The following ATP1B3 variants were observed in gnomAD, a reference collection of about 807,000 sequenced individuals.
The protein encoded by ATP1B3 is sodium/potassium-transporting ATPase subunit beta-3.
A neutral mutation model predicts 30.2 loss-of-function variants in ATP1B3; 10 were observed. The ratio of observed to expected loss-of-function variants is 0.33; its 90% CI spans 0.20 to 0.56. ATP1B3 has a LOEUF of 0.56. Among genes scored for constraint, ATP1B3 ranks in the 20% least tolerant of loss-of-function variants. ATP1B3 has a pLI of 0.90. For missense variants in ATP1B3, 238 were observed against 336.7 expected, an observed-to-expected ratio of 0.71 and a Z score of 2.29; for synonymous variants, 113 against 117.0, an observed-to-expected ratio of 0.97 and a Z score of 0.22.
intron 1 of ATP1B3, among the ~76,000 whole-genome samples, chr3:141,884,153 A>G (rs1197205640): frequency 6.6e-6 from 1 of 152,050 alleles, no homozygotes; most frequent in Non-Finnish European, 1.5e-5. Context: ...TATTTCGGAA[A>G]ATTTTTTTTA....
intron 1 of ATP1B3, chr3:141,902,283 A>C (rs1934178607): frequency 2.5e-6 from 3 of 1,191,070 alleles, no homozygotes; most frequent in Non-Finnish European, 3.3e-6. Flanking sequence ...AAATTGCTTT[A>C]ACTATTTCCC....
chr3:141,888,975 C>A (rs573442490), intron 1 of ATP1B3, among the ~76,000 whole-genome samples: 1 of 152,102 alleles, frequency 6.6e-6, no homozygotes, highest in Non-Finnish European at 1.5e-5. Flanking sequence ...CTAATACACT[C>A]ACAGTTCCAC....
Position 141,925,871 on chromosome 3 carries a change from A to T in ATP1B3, c.*170A>T. On this transcript the variant is annotated 3_prime_UTR_variant, in exon 7 of 7. Coordinates refer to ENST00000286371, the MANE Select transcript of ATP1B3 (RefSeq NM_001679.4). ...AGATCATAGTGTTCAGTGTCCTCTG[A>T]AGTAACTGCCTGTTGCCTCTGCTGC... The T allele has an allele frequency of 1.2e-6, 1 of 802,512 alleles. No homozygotes were observed. Among genetic ancestry groups the T allele is most frequent in the Non-Finnish European group, 1.9e-6 (1 of 530,796 alleles). 49.7% of individuals were successfully genotyped at this position (802,512 alleles called of 1,614,324 possible). A position where few individuals can be genotyped will look rare whatever the true frequency, so the allele number is the denominator to read the frequency against.
intron 1 of ATP1B3, among the ~76,000 whole-genome samples, chr3:141,897,659 T>C (rs1029949155): frequency 3.9e-5 from 6 of 152,222 alleles, no homozygotes; most frequent in African/African-American, 1.4e-4. Context: ...TACATACATA[T>C]ATGTGCATAC....
intron 2 of ATP1B3, among the ~76,000 whole-genome samples, chr3:141,904,630 G>C (rs1934229922): frequency 6.7e-6 from 1 of 149,740 alleles, no homozygotes; most frequent in Non-Finnish European, 1.5e-5. Flanking sequence ...TTATACAGGA[G>C]AATGTATGCA....
At chr3:141,919,962 G>T (rs148443756) in intron 5 of ATP1B3, among the ~76,000 whole-genome samples, 2 of 151,854 alleles carry the variant, frequency 1.3e-5, no homozygotes, top group African/African-American at 2.4e-5. Flanking sequence ...TATGCTATTC[G>T]TATACTTAGA....
rs368774880 is a variant in ATP1B3 at position 141,895,936 on chromosome 3, CATT to C, written c.110-7681_110-7679del. 2.7e-4 allele frequency among the ~76,000 whole-genome samples: 41 copies of C among 152,238 alleles called. No individual in the cohort carries two copies. The East Asian group carries it at 7.1e-3, about 27-fold the overall frequency. ...ATTCTGGTGGGTATGTAGTGGAGCT[CATT>C]ATAGTTTTGATTTCTCTTCCCTGGT... is the stretch of plus-strand genomic sequence containing the variant. On this transcript the variant is annotated intron_variant, in intron 1 of 6. Coordinates refer to ENST00000286371, the MANE Select transcript of ATP1B3 (RefSeq NM_001679.4).
At chr3:141,892,124 T>C (rs1198723899) in intron 1 of ATP1B3, among the ~76,000 whole-genome samples, 10 of 152,174 alleles carry the variant, frequency 6.6e-5, no homozygotes, top group Non-Finnish European at 1.3e-4. Flanking sequence ...CTGGTCATGA[T>C]TGTGGTGAAT....
intron 1 of ATP1B3, among the ~76,000 whole-genome samples, chr3:141,889,359 T>C (rs1480497087): frequency 6.6e-6 from 1 of 152,190 alleles, no homozygotes; most frequent in Admixed American, 6.5e-5. Context: ...TCTTAAAAAT[T>C]GCTGCAGTGC....
intron 1 of ATP1B3, among the ~76,000 whole-genome samples, chr3:141,891,363 G>A (rs1933949630): frequency 6.6e-6 from 1 of 152,140 alleles, no homozygotes. Context: ...ACAAAGAATA[G>A]TTTATGTATA....
At chr3:141,924,169 C>T (rs563303099) in intron 6 of ATP1B3, among the ~76,000 whole-genome samples, 3 of 149,304 alleles carry the variant, frequency 2.0e-5, no homozygotes, top group South Asian at 2.1e-4. Flanking sequence ...CATGGTGAAA[C>T]GCTGTCTCTA....
chr3:141,890,090 T>TTTC (rs1553743849), intron 1 of ATP1B3, among the ~76,000 whole-genome samples: 60 of 120,214 alleles, frequency 5.0e-4, no homozygotes, highest in African/African-American at 1.9e-3. Context: ...TTTTTTCTTT[T>TTTC]TTTTTTTTTT....
At chr3:141,920,633 A>G (rs1934550074) in intron 5 of ATP1B3, among the ~76,000 whole-genome samples, 1 of 152,228 alleles carries the variant, frequency 6.6e-6, no homozygotes, top group African/African-American at 2.4e-5. Flanking sequence ...TGTGAAGGTC[A>G]TATATTAAGG....
chr3:141,890,618 A>G (rs1304574574), intron 1 of ATP1B3, among the ~76,000 whole-genome samples: 1 of 149,656 alleles, frequency 6.7e-6, no homozygotes, highest in Non-Finnish European at 1.5e-5. Flanking sequence ...TTGTATTTTT[A>G]GTAGAGACTG....
intron 1 of ATP1B3, among the ~76,000 whole-genome samples, chr3:141,888,252 A>G (rs1933874281): frequency 6.6e-6 from 1 of 152,168 alleles, no homozygotes; most frequent in African/African-American, 2.4e-5. Context: ...GAGAATATGA[A>G]TACATTCGTG....
chr3:141,881,922 A>C (rs1933734151), intron 1 of ATP1B3, among the ~76,000 whole-genome samples: 1 of 152,190 alleles, frequency 6.6e-6, no homozygotes, highest in South Asian at 2.1e-4. Context: ...TGGATTGTCC[A>C]GGAAGTAGTC....
chr3:141,892,651 C>CA (rs386398103), intron 1 of ATP1B3, among the ~76,000 whole-genome samples: 2,945 of 69,916 alleles, frequency 0.042, 345 homozygotes, highest in Non-Finnish European at 0.055. Context: ...GAGACTGTCT[C>CA]AAAAAAAAAA....
At chr3:141,920,701 G>A (rs1934550748) in intron 5 of ATP1B3, among the ~76,000 whole-genome samples, 1 of 152,100 alleles carries the variant, frequency 6.6e-6, no homozygotes. Context: ...AGAGTGACTA[G>A]TTTTTCTCTA....
intron 2 of ATP1B3, among the ~76,000 whole-genome samples, chr3:141,905,253 G>T (rs372052394): frequency 1.3e-5 from 2 of 152,164 alleles, no homozygotes; most frequent in Non-Finnish European, 2.9e-5. Flanking sequence ...AGGAAGGTGG[G>T]AGTCTAGCAG....
Sources: allele counts gnomAD v4.1 joint callset (sites outside exome capture counted in the v4.1 genomes callset), GRCh38; gene constraint gnomAD v4.1.1; transcripts MANE v1.5; gene names NCBI Gene and HGNC (gene_info 2026-07-23, HGNC 2026-07-21).